The following MFAP1 variants were observed in gnomAD, a reference collection of about 807,000 sequenced individuals.
MFAP1 encodes the protein microfibrillar-associated protein 1.
A neutral mutation model predicts 62.2 loss-of-function variants in MFAP1; 18 were observed. The ratio of observed to expected loss-of-function variants is 0.29; its 90% CI spans 0.20 to 0.43. The LOEUF (loss-of-function observed/expected upper bound fraction) is 0.43, where lower values mean the gene tolerates loss of function less well. Ranked by LOEUF, MFAP1 falls within the 20% of genes least tolerant of loss-of-function variation. The pLI is 1.00. For missense variants in MFAP1, 355 were observed against 559.7 expected, an observed-to-expected ratio of 0.63 and a Z score of 3.69; for synonymous variants, 175 against 180.4, an observed-to-expected ratio of 0.97 and a Z score of 0.24.
At position 43,817,317 on chromosome 15, in the gene MFAP1, C is replaced by T. The variant is rs1268302995; in HGVS notation, c.211G>A (p.Ala71Thr). ...QFIKKAKEQE[A>T]EPEEQEEDSS... ...TCCTCCTCCTGTTCCTCAGGCTCTG[C>T]TTCTTGTTCTTTGGCTTTCTTAATG... Residue 71 changes from alanine to threonine, a missense_variant, in exon 2 of 9, where the codon GCA becomes ACA. Ala to Thr is a moderately conservative substitution (Grantham distance 58). Around this residue, in one of 6 missense-constraint regions of MFAP1, gnomAD observed 257 missense variants for 341.3 expected, o/e 0.75. Coordinates refer to ENST00000267812, the MANE Select transcript of MFAP1 (RefSeq NM_005926.3). 2 of 1,614,150 alleles carry T rather than the reference C, an allele frequency of 1.2e-6. No individual in the cohort carries two copies. Among genetic ancestry groups the T allele is most frequent in the East Asian group, 4.5e-5 (2 of 44,890 alleles).
At chr15:43,809,941 G>A (rs755103308) in intron 6 of MFAP1, 27 bp from the exon 7 acceptor site, 17 of 1,612,948 alleles carry the variant, frequency 1.1e-5, no homozygotes, top group Non-Finnish European at 1.4e-5. Context: ...ACAATTTATT[G>A]GTACTGTTAC....
chr15:43,822,466 C>T (rs1198018198), intron 1 of MFAP1, among the ~76,000 whole-genome samples: 2 of 152,142 alleles, frequency 1.3e-5, no homozygotes, highest in Middle Eastern at 3.4e-3. Context: ...CTCCACCTGC[C>T]GGGTTCAAGT....
rs2087421843 is a variant in MFAP1, at chr15:43,814,402, G to A, written c.617+99C>T. The A allele has an allele frequency of 1.5e-5, 20 of 1,366,352 alleles. No individual in the cohort carries two copies. The Middle Eastern group carries it at 7.5e-4, about 51-fold the overall frequency. 84.6% of individuals were successfully genotyped at this position (1,366,352 alleles called of 1,614,324 possible). A position where few individuals can be genotyped will look rare whatever the true frequency, so the allele number is the denominator to read the frequency against. ...ACTAGCAAAAGCACTTTCACTCAGC[G>A]TTTAGATTTCAGAATAGCAAGACAG... On this transcript the variant is annotated intron_variant, in intron 4 of 8. Coordinates refer to ENST00000267812, the MANE Select transcript of MFAP1 (RefSeq NM_005926.3).
Position 43,806,802 on chromosome 15 carries a change from G to C in MFAP1, c.1048-1337C>G, listed in dbSNP as rs575620112. 1.9e-3 allele frequency among the ~76,000 whole-genome samples: 292 copies of C among 152,304 alleles called. 1 individual carries two copies. Among genetic ancestry groups the C allele is most frequent in the African/African-American group, 5.1e-3 (213 of 41,556 alleles). ...CAGGAGAATCACTTGAACTCAGGAG[G>C]TGGAGGTTGCAGTGAGCTGAGATCG... is the stretch of plus-strand genomic sequence containing the variant. On this transcript the variant is annotated intron_variant, in intron 7 of 8. Transcript: ENST00000267812.
At position 43,819,815 on chromosome 15, in the gene MFAP1, G is replaced by A. The variant is rs573383921; in HGVS notation, c.80-2367C>T. On this transcript the variant is annotated intron_variant, in intron 1 of 8. Transcript: ENST00000267812. ...CATAAAGTGCTGGGATTTCAGGTGTGAGCCACTGTGACTGGCCAGAAGCAT... is the reference window on the plus strand; with the variant it reads ...CATAAAGTGCTGGGATTTCAGGTGTAAGCCACTGTGACTGGCCAGAAGCAT... 2.1e-3 allele frequency among the ~76,000 whole-genome samples: 325 copies of A among 152,328 alleles called. 1 individual carries two copies. Among genetic ancestry groups the A allele is most frequent in the Non-Finnish European group, 3.6e-3 (242 of 68,040 alleles).
At chr15:43,820,064 C>T (rs571275165) in intron 1 of MFAP1, among the ~76,000 whole-genome samples, 1 of 152,088 alleles carries the variant, frequency 6.6e-6, no homozygotes, top group Non-Finnish European at 1.5e-5. Flanking sequence ...AGGAGAATGG[C>T]GTGAACCCGG....
At chr15:43,814,871 G>C (rs2087424318) in intron 3 of MFAP1, 74 bp downstream of exon 3, 1 of 1,580,094 alleles carries the variant, frequency 6.3e-7, no homozygotes, top group Non-Finnish European at 8.6e-7. Context: ...TGTTTTTAAG[G>C]CTTCAACAAA....
At chr15:43,823,901 C>G (rs2087482772) in intron 1 of MFAP1, among the ~76,000 whole-genome samples, 1 of 152,134 alleles carries the variant, frequency 6.6e-6, no homozygotes, top group East Asian at 1.9e-4. Flanking sequence ...GAATTCGAGT[C>G]CAGCCTGGGC....
intron 7 of MFAP1, among the ~76,000 whole-genome samples, chr15:43,808,409 C>G (rs757135313): frequency 6.6e-6 from 1 of 152,112 alleles, no homozygotes; most frequent in Non-Finnish European, 1.5e-5. Context: ...CCATGTTGCC[C>G]GGGCTGAACT....
At chr15:43,824,193 A>G (rs1596060398) in intron 1 of MFAP1, among the ~76,000 whole-genome samples, 2 of 151,286 alleles carry the variant, frequency 1.3e-5, no homozygotes, top group East Asian at 1.9e-4. Flanking sequence ...TTAGACATAT[A>G]TATTCTGATA....
At chr15:43,817,507 T>C (rs979189110) in intron 1 of MFAP1, 59 bp from the exon 2 acceptor site, 27 of 1,565,602 alleles carry the variant, frequency 1.7e-5, no homozygotes, top group African/African-American at 4.1e-5. Flanking sequence ...CTTCAACCCA[T>C]CACGGCCTTT....
At chr15:43,810,912 A>G (rs1343260254) in intron 6 of MFAP1, among the ~76,000 whole-genome samples, 1 of 151,676 alleles carries the variant, frequency 6.6e-6, no homozygotes, top group Non-Finnish European at 1.5e-5. Context: ...GTGTGCCACC[A>G]TGCCCGACTA....
At position 43,804,988 on chromosome 15, in the gene MFAP1, C is replaced by A. The variant is rs1293541115; in HGVS notation, c.*106G>T. 2 of 1,257,856 alleles carry A rather than the reference C, an allele frequency of 1.6e-6. No individual in the cohort carries two copies. Among genetic ancestry groups the A allele is most frequent in the Non-Finnish European group, 2.2e-6 (2 of 904,996 alleles). 77.9% of individuals were successfully genotyped at this position (1,257,856 alleles called of 1,614,324 possible). On this transcript the variant is annotated 3_prime_UTR_variant, in exon 9 of 9. Coordinates refer to ENST00000267812, the MANE Select transcript of MFAP1 (RefSeq NM_005926.3). ...AGTATCACAAGTATAGCAGTAAGTC[C>A]AATATCTGGATACAGGGGCCAAGGA...
chr15:43,816,254 T>TC (rs958802256), intron 2 of MFAP1, among the ~76,000 whole-genome samples: 1 of 150,178 alleles, frequency 6.7e-6, no homozygotes, highest in East Asian at 1.9e-4. Context: ...TCTTTTCTTT[T>TC]TTTTTTTTTG....
chr15:43,812,601 C>G (rs2087408836), intron 6 of MFAP1, among the ~76,000 whole-genome samples: 2 of 152,132 alleles, frequency 1.3e-5, no homozygotes, highest in African/African-American at 4.8e-5. Context: ...TAAGTAAGCC[C>G]AGGTGAAATC....
chr15:43,817,462 G>T lies in MFAP1; in HGVS notation c.80-14C>A. The stretch of plus-strand genomic sequence containing the variant: ...TTGAAATCTCACCTGGGCGAGAAAG[G>T]TAACTTATGTTTCAGTAGCCTCTTT... On this transcript the variant is annotated splice_polypyrimidine_tract_variant and intron_variant, in intron 1 of 8. Transcript: ENST00000267812. 6.2e-7 allele frequency: 1 copy of T among 1,613,640 alleles called. No homozygotes were observed. Among genetic ancestry groups the T allele is most frequent in the Non-Finnish European group, 8.5e-7 (1 of 1,179,694 alleles).
chr15:43,805,983 TCTGATGTC>T (rs2087362994), intron 7 of MFAP1, among the ~76,000 whole-genome samples: 1 of 150,334 alleles, frequency 6.7e-6, no homozygotes, highest in African/African-American at 2.5e-5. Flanking sequence ...AGCGTCTCAT[TCTGATGTC>T]CTGATGTCCA....
At chr15:43,819,956 G>C (rs951954213) in intron 1 of MFAP1, among the ~76,000 whole-genome samples, 5 of 152,192 alleles carry the variant, frequency 3.3e-5, no homozygotes, top group African/African-American at 1.2e-4. Flanking sequence ...GAACATCCTG[G>C]CTAACACAGT....
At position 43,813,115 on chromosome 15, in the gene MFAP1, T is replaced by C. The variant is rs778023356; in HGVS notation, c.759A>G (p.Glu253=). The C allele has an allele frequency of 4.3e-6, 7 of 1,614,214 alleles. No individual in the cohort carries two copies. The highest frequency in any genetic ancestry group is 3.3e-5 in the South Asian group (3 of 91,080). ...ATGCAGCCAGGGATCGCTTGTTCTC[T>C]TCCAGCTCTTTTTTGGTTTCCTCTT... ...IVEEETKKEL[E]ENKRSLAALD... is the part of the protein sequence containing the mutation. Residue 253 remains glutamate, a synonymous_variant, in exon 6 of 9, where the codon GAA becomes GAG. Transcript: ENST00000267812.
Sources: gnomAD v4.1 joint callset for allele counts (sites outside exome capture counted in the v4.1 genomes callset) on GRCh38, gnomAD v4.1.1 for gene constraint, gnomAD v4.1.1 regional missense constraint, MANE v1.5 for transcripts, NCBI Gene and HGNC (gene_info 2026-07-23, HGNC 2026-07-21) for gene names.